Variants in IRAG2 observed in about 807,000 individuals in gnomAD.
IRAG2 encodes the protein lymphoid restricted membrane protein.
IRAG2 carries 45 observed loss-of-function variants against 69.9 expected under a neutral mutation model. The observed-to-expected ratio is 0.64, with a 90% CI of 0.51 to 0.83. The LOEUF is 0.83. Ranked by LOEUF, IRAG2 falls within the 40% of genes least tolerant of loss-of-function variation. The pLI, the probability that IRAG2 is intolerant of heterozygous loss-of-function variation, is 0.00. For synonymous variants in IRAG2, 193 were observed against 202.4 expected (o/e 0.95, Z 0.40); for missense variants, 520 against 587.0 (o/e 0.89, Z 1.18).
chr12:25,091,370 C>T lies in IRAG2; in HGVS notation c.606+1173C>T, dbSNP rs144643682. Among the ~76,000 whole-genome samples the T allele has an allele frequency of 2.0e-5, 3 of 152,262 alleles. No individual in the cohort carries two copies. The East Asian group carries it at 5.8e-4, about 29-fold the overall frequency. ...TACAGTACTTGTCTTTTGTAACTGGCTTATTTCACTTAGCATAATGTCTTC... is the reference window on the plus strand; with the variant it reads ...TACAGTACTTGTCTTTTGTAACTGGTTTATTTCACTTAGCATAATGTCTTC... On this transcript the variant is annotated intron_variant, in intron 14 of 21. Transcript: ENST00000556887.
At chr12:25,041,643 C>T (rs1944749669) in intron 16 of IRAG2, among the ~76,000 whole-genome samples, 1 of 149,208 alleles carries the variant, frequency 6.7e-6, no homozygotes, top group Admixed American at 6.7e-5. Context: ...CTGTATGCCG[C>T]TATGCTCCGC....
Position 25,052,887 on chromosome 12 carries a change from C to T in IRAG2, c.-516C>T, listed in dbSNP as rs1234436457. The T allele has an allele frequency of 2.5e-6, 1 of 398,594 alleles. No homozygotes were observed. Among genetic ancestry groups the T allele is most frequent in the East Asian group, 3.6e-5 (1 of 28,076 alleles). The allele number at this position is 398,594 out of a possible 1,614,324, so 24.7% of individuals were successfully genotyped here. On this transcript the variant is annotated 5_prime_UTR_variant, in exon 1 of 22. Coordinates refer to ENST00000556887, the MANE Select transcript of IRAG2 (RefSeq NM_001366544.2). ...GGAAGCAATTTCGGAACAACGGAAC[C>T]TTCAAACTATAAATACTGAATTATC...
At chr12:25,107,256 T>G (rs1949234927) in intron 21 of IRAG2, among the ~76,000 whole-genome samples, 2 of 152,220 alleles carry the variant, frequency 1.3e-5, no homozygotes, top group African/African-American at 4.8e-5. Flanking sequence ...ACTTTTACTG[T>G]AATATATGTT....
chr12:25,050,856 C>CAAAATA, upstream of IRAG2, among the ~76,000 whole-genome samples: 1 of 152,034 alleles, frequency 6.6e-6, no homozygotes. Flanking sequence ...GACACTATCC[C>CAAAATA]AAGTAAAATA....
At chr12:25,075,401 T>C (rs2140064929) in intron 6 of IRAG2, among the ~76,000 whole-genome samples, 1 of 152,308 alleles carries the variant, frequency 6.6e-6, no homozygotes, top group African/African-American at 2.4e-5. Flanking sequence ...TAGTATTTCA[T>C]ATAAAAGAGC....
At chr12:25,015,161 T>G (rs753037081) in intron 3 of IRAG2, 48,588 of 1,009,992 alleles carry the variant, frequency 0.048, 394 homozygotes, top group African/African-American at 0.092. Flanking sequence ...TTTTGTTTTT[T>G]TTTTTTTTTT....
intron 11 of IRAG2, among the ~76,000 whole-genome samples, chr12:25,088,801 A>G (rs1481073263): frequency 6.6e-6 from 1 of 152,224 alleles, no homozygotes; most frequent in African/African-American, 2.4e-5. Flanking sequence ...AATGTGGACA[A>G]TAAAAGTATC....
intron 3 of IRAG2, among the ~76,000 whole-genome samples, chr12:25,013,650 G>T (rs1944494922): frequency 6.6e-6 from 1 of 152,090 alleles, no homozygotes; most frequent in Admixed American, 6.5e-5. Flanking sequence ...ACAAATTATA[G>T]TGCTTCCATA....
intron 7 of IRAG2, 51 bp from the exon 8 acceptor site, chr12:25,079,347 A>C: frequency 6.2e-7 from 1 of 1,610,422 alleles, no homozygotes. Flanking sequence ...TGGTTTTAAG[A>C]GAATTATTTG....
intron 7 of IRAG2, among the ~76,000 whole-genome samples, chr12:25,022,023 T>G (rs699043): frequency 0.95 from 145,390 of 152,280 alleles, 69,771 homozygotes; most frequent in East Asian, 1. Context: ...CAGACTGCCT[T>G]CCTTCAAGCT....
intron 6 of IRAG2, among the ~76,000 whole-genome samples, chr12:25,074,194 A>G (rs1946519828): frequency 6.6e-6 from 1 of 152,212 alleles, no homozygotes; most frequent in Non-Finnish European, 1.5e-5. Flanking sequence ...ACATATATAC[A>G]TATATTTCCA....
At chr12:25,075,346 TA>T (rs753785798) in intron 6 of IRAG2, among the ~76,000 whole-genome samples, 1 of 152,184 alleles carries the variant, frequency 6.6e-6, no homozygotes, top group Non-Finnish European at 1.5e-5. Context: ...ATTGGAACCA[TA>T]AATATTTATT....
At chr12:25,101,028 C>A in intron 15 of IRAG2, 150 bp from the exon 16 acceptor site, 1 of 531,340 alleles carries the variant, frequency 1.9e-6, no homozygotes, top group Non-Finnish European at 3.2e-6. Flanking sequence ...TTCTGTTTGC[C>A]CCTGTAGATG....
rs544915255 is a variant in IRAG2 at position 25,010,488 on chromosome 12, A to C, written c.689-856A>C. Reference sequence around the variant, plus strand: ...GTCAAAAAACAAACAAAAAAAAAAAACAGTTCTCTCTCTAAATAACTGTAT... The same window carrying C: ...GTCAAAAAACAAACAAAAAAAAAAACCAGTTCTCTCTCTAAATAACTGTAT... On this transcript the variant is annotated intron_variant, in intron 2 of 38. Transcript: ENST00000636465. Among the ~76,000 whole-genome samples the C allele has an allele frequency of 5.1e-3, 752 of 148,738 alleles. 5 individuals are homozygous for C. The highest frequency in any genetic ancestry group is 0.021 in the Middle Eastern group (6 of 292).
chr12:25,075,917 G>A (rs1003678807), intron 6 of IRAG2: 5 of 152,038 alleles, frequency 3.3e-5, no homozygotes, highest in Admixed American at 6.6e-5. Context: ...CAGTTGGTGC[G>A]TGCTGGTTAT....
At chr12:25,026,579 G>A (rs1247066868) in intron 8 of IRAG2, among the ~76,000 whole-genome samples, 1 of 152,064 alleles carries the variant, frequency 6.6e-6, no homozygotes, top group Admixed American at 6.6e-5. Context: ...TTGAACGGTG[G>A]GATGCTTGCA....
At chr12:25,082,122 A>T (rs1436987101) in intron 9 of IRAG2, among the ~76,000 whole-genome samples, 1 of 152,168 alleles carries the variant, frequency 6.6e-6, no homozygotes, top group Non-Finnish European at 1.5e-5. Flanking sequence ...TCAAAGAAAA[A>T]GTTTTTATGT....
chr12:25,008,255 G>A (rs1944448031), intron 2 of IRAG2, among the ~76,000 whole-genome samples: 2 of 152,254 alleles, frequency 1.3e-5, no homozygotes, highest in South Asian at 4.1e-4. Context: ...TGTCCTGAAG[G>A]AGAGAGGCAG....
At chr12:25,019,024 G>C (rs1018942584) in intron 6 of IRAG2, among the ~76,000 whole-genome samples, 1 of 152,142 alleles carries the variant, frequency 6.6e-6, no homozygotes, top group Non-Finnish European at 1.5e-5. Context: ...ACTTGCAACC[G>C]GGATGGCTTG....
Sources: gnomAD v4.1 joint callset for allele counts (sites outside exome capture counted in the v4.1 genomes callset) on GRCh38, gnomAD v4.1.1 for gene constraint, MANE v1.5 for transcripts, NCBI Gene and HGNC (gene_info 2026-07-23, HGNC 2026-07-21) for gene names.